CEP170: variants seen among roughly 807,000 people sequenced by gnomAD.
CEP170 encodes centrosomal protein of 170 kDa.
CEP170 carries 21 observed loss-of-function variants against 151.9 expected under a neutral mutation model. That is an observed-to-expected ratio of 0.14 (90% CI 0.10 to 0.20). The LOEUF is 0.20. Ranked by LOEUF, CEP170 falls within the 10% of genes least tolerant of loss-of-function variation. CEP170 has a pLI of 1.00. For synonymous variants in CEP170, 356 were observed against 648.8 expected, an observed-to-expected ratio of 0.55 and a Z score of 6.86; for missense variants, 964 against 1,892.9, an observed-to-expected ratio of 0.51 and a Z score of 9.11.
chr1:243,217,391 C>T (rs2062395273), intron 3 of CEP170, among the ~76,000 whole-genome samples: 1 of 152,074 alleles, frequency 6.6e-6, no homozygotes, highest in Non-Finnish European at 1.5e-5. Context: ...CCTAAAACAC[C>T]ACATTTACTC....
At chr1:243,135,575 A>G (rs1027910127) in intron 17 of CEP170, among the ~76,000 whole-genome samples, 1 of 152,198 alleles carries the variant, frequency 6.6e-6, no homozygotes, top group African/African-American at 2.4e-5. Flanking sequence ...TAACATGCCA[A>G]GTAAAATTTA....
chr1:243,219,962 T>C (rs952529012), intron 3 of CEP170, among the ~76,000 whole-genome samples: 8 of 152,208 alleles, frequency 5.3e-5, no homozygotes, highest in African/African-American at 1.9e-4. Context: ...CAAAGGCTTA[T>C]GTGTGGAGAA....
rs2058280658 is a variant in CEP170 at position 243,164,155 on chromosome 1, TATC to T, written c.3676+126_3676+128del. On this transcript the variant is annotated intron_variant, in intron 13 of 19. Transcript: ENST00000366542. ...GACCCCCCACCGCCGCTGCCCCGTA[TATC>T]ATAACTTTTGTTTTGAATGAGTATC... 3 of 1,200,918 alleles carry T rather than the reference TATC, an allele frequency of 2.5e-6. No individual in the cohort carries two copies. In the South Asian group the frequency reaches 1.1e-4, roughly 45 times the overall value. The allele number at this position is 1,200,918 out of a possible 1,614,324, so 74.4% of individuals were successfully genotyped here.
chr1:243,192,955 G>T (rs976436147), intron 7 of CEP170, among the ~76,000 whole-genome samples: 1 of 151,966 alleles, frequency 6.6e-6, no homozygotes, highest in African/African-American at 2.4e-5. Context: ...AGAATATATT[G>T]TAATTTTCAC....
At chr1:243,237,995 A>C (rs965235847) in intron 1 of CEP170, among the ~76,000 whole-genome samples, 4 of 152,210 alleles carry the variant, frequency 2.6e-5, no homozygotes, top group Non-Finnish European at 5.9e-5. Context: ...TTAAATATTC[A>C]TTGTATTGGC....
intron 4 of CEP170, among the ~76,000 whole-genome samples, chr1:243,201,844 AGAGTC>A (rs1199427256): frequency 6.6e-6 from 1 of 152,190 alleles, no homozygotes; most frequent in Non-Finnish European, 1.5e-5. Context: ...AACCAAAACA[AGAGTC>A]TAGTCAACTG....
At chr1:243,245,543 G>T (rs556980233) in intron 1 of CEP170, among the ~76,000 whole-genome samples, 2 of 151,980 alleles carry the variant, frequency 1.3e-5, no homozygotes, top group Admixed American at 6.6e-5. Flanking sequence ...GTGAAACCCC[G>T]TCTCTACTAA....
intron 17 of CEP170, among the ~76,000 whole-genome samples, chr1:243,130,231 C>A (rs999610913): frequency 6.6e-6 from 1 of 152,022 alleles, no homozygotes; most frequent in Non-Finnish European, 1.5e-5. Context: ...CTGTTAAGAC[C>A]TCTTTATATG....
At chr1:243,141,731 G>C (rs1238640001) in intron 15 of CEP170, among the ~76,000 whole-genome samples, 3 of 152,076 alleles carry the variant, frequency 2.0e-5, no homozygotes, top group African/African-American at 7.2e-5. Context: ...ATATTGGATG[G>C]GTAATAGTCT....
At position 243,185,965 on chromosome 1, in the gene CEP170, T is replaced by C; in HGVS notation, c.1380A>G (p.Leu460=). 6.2e-7 allele frequency: 1 copy of C among 1,613,786 alleles called. No individual in the cohort carries two copies. Among genetic ancestry groups the C allele is most frequent in the African/African-American group, 1.3e-5 (1 of 75,046 alleles). The change falls in exon 10 of 20, where the codon TTA becomes TTG. Residue 460 remains leucine, a synonymous_variant. Transcript: ENST00000366542. The surrounding 1 kb of genome is among the most constrained non-coding windows in gnomAD (Gnocchi z 4.9). ...GCCCAAGACTCCCTGAACTTCTTAATAATGCAGTTTGTAGGAAGGGTATTG... is the reference window on the plus strand; with the variant it reads ...GCCCAAGACTCCCTGAACTTCTTAACAATGCAGTTTGTAGGAAGGGTATTG... The part of the protein sequence containing the change: ...SVSIPFLQTA[L]LRSSGSLGHR...
chr1:243,172,791 T>G lies in CEP170; in HGVS notation c.1622A>C (p.His541Pro), dbSNP rs754500732. The change falls in exon 11 of 20, where the codon CAT becomes CCT. Residue 541 changes from histidine (H) to proline (P), a missense_variant. His to Pro is a moderately conservative substitution (Grantham distance 77, BLOSUM62 -2). Transcript: ENST00000366542. ...DYNRPVINEK[H>P]KDLIKDWALS... ...AGCCCAATCTTTTATTAGATCTTTATGTTTTTCGTTGATAACAGGCCTATT... is the reference window on the plus strand; with the variant it reads ...AGCCCAATCTTTTATTAGATCTTTAGGTTTTTCGTTGATAACAGGCCTATT... The G allele has an allele frequency of 6.4e-7, 1 of 1,574,596 alleles. No individual in the cohort carries two copies. Among genetic ancestry groups the G allele is most frequent in the African/African-American group, 1.4e-5 (1 of 73,916 alleles).
chr1:243,248,957 T>A (rs1310825932), intron 1 of CEP170, among the ~76,000 whole-genome samples: 2 of 152,172 alleles, frequency 1.3e-5, no homozygotes, highest in Non-Finnish European at 2.9e-5. Context: ...TCCACTCAGA[T>A]ACCTACAAGA....
chr1:243,242,595 T>C (rs1426131857), intron 1 of CEP170, among the ~76,000 whole-genome samples: 1 of 152,212 alleles, frequency 6.6e-6, no homozygotes, highest in Non-Finnish European at 1.5e-5. Context: ...CCCATCCCCT[T>C]GTCCCCAGGG....
At chr1:243,195,432 AAAGT>A (rs1459503050) in intron 7 of CEP170, among the ~76,000 whole-genome samples, 9 of 152,140 alleles carry the variant, frequency 5.9e-5, no homozygotes, top group African/African-American at 1.9e-4. Flanking sequence ...AAATTGCTCT[AAAGT>A]AAGTATTTGC....
At position 243,186,295 on chromosome 1, in the gene CEP170, C is replaced by G. The variant is rs2059933625; in HGVS notation, c.1236G>C (p.Lys412Asn). The change falls in exon 9 of 20, where the codon AAG becomes AAC. Residue 412 changes from lysine to asparagine, a missense_variant. Physicochemically the swap from Lys to Asn is moderately conservative, Grantham distance 94 (BLOSUM62 0). Coordinates refer to ENST00000366542, the MANE Select transcript of CEP170 (RefSeq NM_014812.3). ...RHHSEHKKLQ[K>N]VQATEKHQDQ... Reference sequence around the variant, plus strand: ...CTTGATGCTTTTCAGTAGCCTGGACCTTCTGTAGCTTTTTGTGTTCTGAAT... The same window carrying G: ...CTTGATGCTTTTCAGTAGCCTGGACGTTCTGTAGCTTTTTGTGTTCTGAAT... 6.2e-7 allele frequency: 1 copy of G among 1,613,722 alleles called. No individual in the cohort carries two copies. Among genetic ancestry groups the G allele is most frequent in the Non-Finnish European group, 8.5e-7 (1 of 1,179,696 alleles).
At position 243,170,325 on chromosome 1, in the gene CEP170, C is replaced by A. The variant is rs558990332; in HGVS notation, c.1717-571G>T. On this transcript the variant is annotated intron_variant, in intron 11 of 19. Coordinates refer to ENST00000366542, the MANE Select transcript of CEP170 (RefSeq NM_014812.3). ...GCTTGAACCCAGGAGGTGGAGGTTG[C>A]AGTGAGCTGAGATCGTGCCACTGCA... Among the ~76,000 whole-genome samples, 4 of 151,934 alleles carry A rather than the reference C, an allele frequency of 2.6e-5. No individual in the cohort carries two copies. The East Asian group carries it at 7.8e-4, about 29-fold the overall frequency.
chr1:243,230,567 G>A (rs114554388), intron 1 of CEP170, among the ~76,000 whole-genome samples: 2,128 of 152,128 alleles, frequency 0.014, 26 homozygotes, highest in African/African-American at 0.026. Flanking sequence ...ATTATGAAAC[G>A]GAACCAAACA....
intron 3 of CEP170, among the ~76,000 whole-genome samples, chr1:243,217,182 C>T (rs1038696390): frequency 3.9e-5 from 6 of 152,074 alleles, no homozygotes; most frequent in South Asian, 4.1e-4. Context: ...GTACCACTGC[C>T]GTGTATGTGG....
At chr1:243,158,768 T>C (rs911492655) in intron 13 of CEP170, among the ~76,000 whole-genome samples, 50 of 152,168 alleles carry the variant, frequency 3.3e-4, no homozygotes, top group African/African-American at 1.2e-3. Flanking sequence ...ATAATATCTT[T>C]TAAAAGCAAT....
Sources: gnomAD v4.1 joint callset for allele counts (sites outside exome capture counted in the v4.1 genomes callset) on GRCh38, gnomAD v4.1.1 for gene constraint, Gnocchi (gnomAD v3.1) non-coding constraint, MANE v1.5 for transcripts, NCBI Gene and HGNC (gene_info 2026-07-23, HGNC 2026-07-21) for gene names.